The following FRMD4A variants were observed in gnomAD, a reference collection of about 807,000 sequenced individuals.
FRMD4A encodes the protein FERM domain-containing protein 4A.
FRMD4A carries 29 observed loss-of-function variants against 129.1 expected under a neutral mutation model. The observed-to-expected ratio is 0.22, with a 90% CI of 0.17 to 0.31. The LOEUF is 0.31. Among genes scored for constraint, FRMD4A ranks in the 10% least tolerant of loss-of-function variants. FRMD4A has a pLI of 1.00. For synonymous variants in FRMD4A, 634 were observed against 571.6 expected (o/e 1.11, Z -1.56); for missense variants, 1,272 against 1,375.8 (o/e 0.92, Z 1.19).
At chr10:13,817,960 C>T (rs1407509935) in intron 3 of FRMD4A, among the ~76,000 whole-genome samples, 1 of 152,148 alleles carries the variant, frequency 6.6e-6, no homozygotes, top group Non-Finnish European at 1.5e-5. Flanking sequence ...TACTATACTA[C>T]ATACAGTATC....
intron 2 of FRMD4A, among the ~76,000 whole-genome samples, chr10:13,884,148 ACACACTCT>A (rs1464242329): frequency 2.8e-4 from 6 of 21,388 alleles, no homozygotes; most frequent in South Asian, 1.8e-3. Flanking sequence ...ACACACTCTC[ACACACTCT>A]CACACACACA....
At chr10:14,318,351 A>G (rs1846832658) in intron 2 of FRMD4A, among the ~76,000 whole-genome samples, 1 of 143,680 alleles carries the variant, frequency 7.0e-6, no homozygotes, top group Admixed American at 7.1e-5. Flanking sequence ...ACCTTGACAC[A>G]TGGGCAATAA....
chr10:13,709,286 GAC>G (rs931240400), intron 12 of FRMD4A, among the ~76,000 whole-genome samples: 1 of 152,134 alleles, frequency 6.6e-6, no homozygotes, highest in African/African-American at 2.4e-5. Context: ...TGCTGGACCT[GAC>G]ACAAGTTACA....
At chr10:13,790,745 G>A (rs1286940552) in intron 5 of FRMD4A, among the ~76,000 whole-genome samples, 2 of 152,110 alleles carry the variant, frequency 1.3e-5, no homozygotes, top group African/African-American at 2.4e-5. Flanking sequence ...AATGAGGAAC[G>A]AGAGGCCTGT....
At chr10:14,099,111 T>G (rs1564289735) in intron 2 of FRMD4A, among the ~76,000 whole-genome samples, 1 of 152,176 alleles carries the variant, frequency 6.6e-6, no homozygotes, top group Non-Finnish European at 1.5e-5. Context: ...TAGATCCGGT[T>G]TTTGAGGACA....
At chr10:13,835,678 C>A (rs543092639) in intron 3 of FRMD4A, among the ~76,000 whole-genome samples, 5 of 152,280 alleles carry the variant, frequency 3.3e-5, no homozygotes, top group African/African-American at 1.2e-4. Flanking sequence ...TCTCCCATCA[C>A]CCCCAGATGG....
At chr10:13,978,208 G>A (rs2095548674) in intron 2 of FRMD4A, among the ~76,000 whole-genome samples, 1 of 152,154 alleles carries the variant, frequency 6.6e-6, no homozygotes, top group African/African-American at 2.4e-5. Context: ...TGGTTTTCTA[G>A]CTGGATTCTA....
chr10:13,988,059 G>A (rs750354768), intron 2 of FRMD4A, among the ~76,000 whole-genome samples: 3 of 152,146 alleles, frequency 2.0e-5, no homozygotes, highest in Non-Finnish European at 4.4e-5. Context: ...AATCTGATCA[G>A]ACAGTAGGCA....
chr10:13,664,642 T>C lies in FRMD4A; in HGVS notation c.1604-1133A>G, dbSNP rs891920027. Among the ~76,000 whole-genome samples the C allele has an allele frequency of 4.6e-5, 7 of 152,174 alleles. No homozygotes were observed. In the East Asian group the frequency reaches 7.7e-4, roughly 17 times the overall value. ...TTTAGGCTGCAAATCTGCATCTATC[T>C]ATATTTATCTATCTATGTAATTGTG... On this transcript the variant is annotated intron_variant, in intron 18 of 24. Transcript: ENST00000357447.
At chr10:13,711,688 T>C (rs2088037359) in intron 12 of FRMD4A, among the ~76,000 whole-genome samples, 1 of 152,220 alleles carries the variant, frequency 6.6e-6, no homozygotes, top group South Asian at 2.1e-4. Flanking sequence ...ATCAAGGGGT[T>C]TCTAGTGCAC....
chr10:14,178,529 G>A (rs1215594465), intron 2 of FRMD4A, among the ~76,000 whole-genome samples: 1 of 152,194 alleles, frequency 6.6e-6, no homozygotes, highest in Non-Finnish European at 1.5e-5. Context: ...TGTGTGAAGT[G>A]GTTGAATTGT....
intron 2 of FRMD4A, among the ~76,000 whole-genome samples, chr10:14,035,139 A>G (rs4237440): frequency 0.87 from 132,423 of 152,224 alleles, 59,317 homozygotes; most frequent in Non-Finnish European, 0.97. Flanking sequence ...TAGACTGGGC[A>G]CGGTGGCTCA....
chr10:14,304,890 A>T (rs899396743), intron 2 of FRMD4A, among the ~76,000 whole-genome samples: 6 of 152,180 alleles, frequency 3.9e-5, no homozygotes, highest in Non-Finnish European at 7.3e-5. Context: ...ATAACTCTGA[A>T]GTGTGTTCTA....
intron 2 of FRMD4A, among the ~76,000 whole-genome samples, chr10:14,051,281 C>T (rs1230429037): frequency 6.6e-6 from 1 of 152,190 alleles, no homozygotes. Flanking sequence ...AAGCTACACT[C>T]CCAGGTCATG....
chr10:14,230,073 T>C (rs1843585307), intron 2 of FRMD4A, among the ~76,000 whole-genome samples: 1 of 152,210 alleles, frequency 6.6e-6, no homozygotes, highest in Non-Finnish European at 1.5e-5. Flanking sequence ...TTCTTATAAA[T>C]AGTTACTACC....
chr10:13,762,103 A>G (rs2092097866), intron 7 of FRMD4A, among the ~76,000 whole-genome samples: 1 of 152,250 alleles, frequency 6.6e-6, no homozygotes, highest in Non-Finnish European at 1.5e-5. Flanking sequence ...ATCCAGTATA[A>G]TGCCCTGAAC....
intron 2 of FRMD4A, among the ~76,000 whole-genome samples, chr10:14,312,648 T>C (rs978641232): frequency 6.6e-6 from 1 of 152,166 alleles, no homozygotes; most frequent in African/African-American, 2.4e-5. Flanking sequence ...ATTCATACAA[T>C]ATAATACTAG....
chr10:14,151,668 A>G (rs1840345626), intron 2 of FRMD4A, among the ~76,000 whole-genome samples: 1 of 152,158 alleles, frequency 6.6e-6, no homozygotes. Context: ...TATATATATG[A>G]AAAAACAGAA....
intron 2 of FRMD4A, among the ~76,000 whole-genome samples, chr10:14,128,111 TTTC>T (rs1246502384): frequency 6.9e-6 from 1 of 144,656 alleles, no homozygotes; most frequent in Non-Finnish European, 1.5e-5. Flanking sequence ...TTTCTTTTCT[TTTC>T]TTTTCTTGAG....
Sources: allele counts gnomAD v4.1 joint callset (sites outside exome capture counted in the v4.1 genomes callset), GRCh38; gene constraint gnomAD v4.1.1; transcripts MANE v1.5; gene names NCBI Gene and HGNC (gene_info 2026-07-23, HGNC 2026-07-21).